PKD2: variants seen among roughly 807,000 people sequenced by gnomAD.
PKD2 encodes the protein polycystin-2.
Under a neutral mutation model 105.9 loss-of-function variants are expected in PKD2, and 48 were observed. That is an observed-to-expected ratio of 0.45 (90% CI 0.36 to 0.58). The LOEUF (loss-of-function observed/expected upper bound fraction) is 0.58, where lower values mean the gene tolerates loss of function less well. Among genes scored for constraint, PKD2 ranks in the 20% least tolerant of loss-of-function variants. The probability of loss-of-function intolerance (pLI) is 0.00; values close to 1 mark genes in which losing one functional copy is unlikely to be tolerated. For missense variants in PKD2, 1,078 were observed against 1,255.3 expected, an observed-to-expected ratio of 0.86 and a Z score of 2.13; for synonymous variants, 464 against 481.1, an observed-to-expected ratio of 0.96 and a Z score of 0.46.
intron 9 of PKD2, among the ~76,000 whole-genome samples, chr4:88,061,351 A>T (rs1486520660): frequency 1.3e-5 from 2 of 152,188 alleles, no homozygotes; most frequent in Non-Finnish European, 2.9e-5. Context: ...TTATTCTTGT[A>T]TGTTTTCACA....
At chr4:88,059,782 T>C (rs1464764452) in intron 9 of PKD2, among the ~76,000 whole-genome samples, 1 of 150,376 alleles carries the variant, frequency 6.6e-6, no homozygotes, top group Non-Finnish European at 1.5e-5. Context: ...CATACATACA[T>C]AGACACATAC....
At chr4:88,062,796 T>C (rs2110134968) in intron 10 of PKD2, among the ~76,000 whole-genome samples, 1 of 152,326 alleles carries the variant, frequency 6.6e-6, no homozygotes, top group African/African-American at 2.4e-5. Context: ...ATAGAAAACT[T>C]AAGCCTCTTA....
intron 4 of PKD2, among the ~76,000 whole-genome samples, chr4:88,041,130 A>T (rs1578132372): frequency 6.6e-6 from 1 of 152,156 alleles, no homozygotes; most frequent in South Asian, 2.1e-4. Context: ...TTCTTATGAG[A>T]TCTGCTCTTT....
At position 88,068,039 on chromosome 4, in the gene PKD2, G is replaced by A. The variant is rs148869484; in HGVS notation, c.2500G>A (p.Val834Ile). ...AAGGAGGGGAAGCATTTCTAGTGGC[G>A]TTTCTTACGAAGAGTTTCAAGTGTA... is the stretch of plus-strand genomic sequence containing the variant. ...SRRRGSISSG[V>I]SYEEFQVLVR... The change falls in exon 13 of 15, where the codon GTT becomes ATT. Residue 834 changes from valine (V) to isoleucine (I), a missense_variant. Val to Ile is a conservative substitution (Grantham distance 29, BLOSUM62 3). Coordinates refer to ENST00000237596, the MANE Select transcript of PKD2 (RefSeq NM_000297.4). 1.8e-5 allele frequency: 29 copies of A among 1,613,994 alleles called. No homozygotes were observed. The highest frequency in any genetic ancestry group is 4.0e-5 in the African/African-American group (3 of 74,924).
chr4:88,025,916 T>G (rs188859389), intron 2 of PKD2, among the ~76,000 whole-genome samples: 12 of 152,316 alleles, frequency 7.9e-5, no homozygotes, highest in Admixed American at 6.5e-4. Context: ...CCTTCCACCA[T>G]GATTATAAGT....
intron 2 of PKD2, among the ~76,000 whole-genome samples, chr4:88,025,916 T>C (rs188859389): frequency 1.3e-5 from 2 of 152,198 alleles, no homozygotes. Context: ...CCTTCCACCA[T>C]GATTATAAGT....
intron 6 of PKD2, among the ~76,000 whole-genome samples, chr4:88,048,947 G>A (rs918659288): frequency 1.3e-5 from 2 of 152,214 alleles, no homozygotes; most frequent in African/African-American, 4.8e-5. Context: ...ATTGTTTGGA[G>A]CTAAAAGGAT....
chr4:88,077,502 T>A lies in PKD2; in HGVS notation c.*1808T>A, dbSNP rs1721273968. 1 of 152,666 alleles carries A rather than the reference T, an allele frequency of 6.6e-6. No individual in the cohort carries two copies. Among genetic ancestry groups the A allele is most frequent in the Non-Finnish European group, 1.5e-5 (1 of 68,044 alleles). 9.5% of individuals were successfully genotyped at this position (152,666 alleles called of 1,614,324 possible). A position where few individuals can be genotyped will look rare whatever the true frequency, so the allele number is the denominator to read the frequency against. On this transcript the variant is annotated 3_prime_UTR_variant, in exon 15 of 15. Coordinates refer to ENST00000237596, the MANE Select transcript of PKD2 (RefSeq NM_000297.4). ...ACCATGTGCCATATATCAATTATGGTCACTAGAAAGTCTCTTTATGATACT... is the reference window on the plus strand; with the variant it reads ...ACCATGTGCCATATATCAATTATGGACACTAGAAAGTCTCTTTATGATACT...
At chr4:88,017,718 A>C (rs1251975591) in intron 1 of PKD2, among the ~76,000 whole-genome samples, 1 of 152,196 alleles carries the variant, frequency 6.6e-6, no homozygotes, top group Non-Finnish European at 1.5e-5. Flanking sequence ...CCTAGCTTGA[A>C]GAAAATTTGA....
chr4:88,007,976 G>C lies in PKD2; in HGVS notation c.243G>C (p.Ser81=). 1 of 1,505,006 alleles carries C rather than the reference G, an allele frequency of 6.6e-7. No individual in the cohort carries two copies. Among genetic ancestry groups the C allele is most frequent in the Non-Finnish European group, 8.8e-7 (1 of 1,130,758 alleles). 93.2% of individuals were successfully genotyped at this position (1,505,006 alleles called of 1,614,324 possible). A position where few individuals can be genotyped will look rare whatever the true frequency, so the allele number is the denominator to read the frequency against. ...AAASPSPPLS[S]CSRQAWSRDN... ...CCTCCCCTTCTCCTCCGCTCTCGTC[G>C]TGCTCCCGGCAGGCGTGGAGCCGCG... Residue 81 remains serine, a synonymous_variant, in exon 1 of 15, where the codon TCG becomes TCC. Transcript: ENST00000237596.
chr4:88,020,883 G>A (rs1726724934), intron 2 of PKD2, among the ~76,000 whole-genome samples: 1 of 151,776 alleles, frequency 6.6e-6, no homozygotes, highest in African/African-American at 2.4e-5. Context: ...GTAGAGGTGG[G>A]GTCTCACTTT....
At chr4:88,042,606 A>G (rs1365783333) in intron 4 of PKD2, among the ~76,000 whole-genome samples, 1 of 152,158 alleles carries the variant, frequency 6.6e-6, no homozygotes, top group Non-Finnish European at 1.5e-5. Context: ...CCAAATAAGG[A>G]CAGCTTTCCT....
At chr4:88,070,288 T>G (rs1012764079) in intron 13 of PKD2, among the ~76,000 whole-genome samples, 1 of 152,138 alleles carries the variant, frequency 6.6e-6, no homozygotes, top group Non-Finnish European at 1.5e-5. Context: ...TTCATTATTT[T>G]TACTGTGATA....
intron 9 of PKD2, among the ~76,000 whole-genome samples, chr4:88,059,636 G>C (rs1044981610): frequency 2.0e-5 from 3 of 152,072 alleles, no homozygotes; most frequent in African/African-American, 7.2e-5. Context: ...ATGAAAAGAA[G>C]CTCTTAGTTT....
At chr4:88,010,550 G>A (rs1263736776) in intron 1 of PKD2, among the ~76,000 whole-genome samples, 1 of 152,200 alleles carries the variant, frequency 6.6e-6, no homozygotes, top group East Asian at 1.9e-4. Context: ...TATGTAAGCA[G>A]TGCCCTAGGA....
rs1415908750 is a variant in PKD2 at position 88,007,771 on chromosome 4, G to A, written c.38G>A (p.Gly13Glu). The change falls in exon 1 of 15, where the codon GGG (glycine) becomes GAG (glutamate). Residue 13 changes from glycine to glutamate, a missense_variant. Physicochemically the swap from Gly to Glu is moderately conservative, Grantham distance 98. Transcript: ENST00000237596. ...NSSRVQPQQP[G>E]DAKRPPAPRA... Reference sequence around the variant, plus strand: ...AGTCGCGTGCAGCCTCAGCAGCCCGGGGACGCCAAGCGGCCGCCCGCGCCC... The same window carrying A: ...AGTCGCGTGCAGCCTCAGCAGCCCGAGGACGCCAAGCGGCCGCCCGCGCCC... The A allele has an allele frequency of 1.7e-6, 2 of 1,182,388 alleles. No individual in the cohort carries two copies. Among genetic ancestry groups the A allele is most frequent in the Non-Finnish European group, 2.1e-6 (2 of 947,352 alleles). The allele number at this position is 1,182,388 out of a possible 1,614,324, so 73.2% of individuals were successfully genotyped here.
At chr4:88,043,121 C>A in intron 4 of PKD2, 112 bp from the exon 5 acceptor site, 1 of 730,520 alleles carries the variant, frequency 1.4e-6, no homozygotes. Context: ...CAGTACCCAG[C>A]TTGATAGGCC....
At chr4:88,040,032 G>A (rs80301989) in intron 4 of PKD2, among the ~76,000 whole-genome samples, 9,031 of 152,186 alleles carry the variant, frequency 0.059, 275 homozygotes, top group South Asian at 0.11. Context: ...TACAGCCACT[G>A]CTCTGTGCCA....
chr4:88,037,698 C>T (rs1044948296), intron 3 of PKD2, among the ~76,000 whole-genome samples: 3 of 152,176 alleles, frequency 2.0e-5, no homozygotes. Flanking sequence ...ACAGGCATAG[C>T]TAGTTGTACA....
Sources: gnomAD v4.1 joint callset for allele counts (sites outside exome capture counted in the v4.1 genomes callset) on GRCh38, gnomAD v4.1.1 for gene constraint, MANE v1.5 for transcripts, NCBI Gene and HGNC (gene_info 2026-07-23, HGNC 2026-07-21) for gene names.